Variants in GLDC observed in about 807,000 individuals in gnomAD.
GLDC encodes glycine decarboxylase.
Under a neutral mutation model 121.3 loss-of-function variants are expected in GLDC, and 104 were observed. The ratio of observed to expected loss-of-function variants is 0.86; its 90% CI spans 0.73 to 1.01. GLDC has a LOEUF of 1.01. GLDC is among the 50% of genes least tolerant of loss of function. GLDC has a pLI of 0.00. For synonymous variants in GLDC, 546 were observed against 480.6 expected, an observed-to-expected ratio of 1.14 and a Z score of -1.78; for missense variants, 1,429 against 1,306.6, an observed-to-expected ratio of 1.09 and a Z score of -1.44.
chr9:6,588,611 T>A lies in GLDC; in HGVS notation c.1665+7A>T, dbSNP rs759573888. 93 of 1,598,616 alleles carry A rather than the reference T, an allele frequency of 5.8e-5. No homozygotes were observed. Among genetic ancestry groups the A allele is most frequent in the Non-Finnish European group, 7.6e-5 (89 of 1,166,092 alleles). ...TGGAAATGAGAAAAAAGGCCACAAATAACTACCAGTGGAATCATGCTGTGA... is the reference window on the plus strand; with the variant it reads ...TGGAAATGAGAAAAAAGGCCACAAAAAACTACCAGTGGAATCATGCTGTGA... On this transcript the variant is annotated splice_region_variant and intron_variant, in intron 13 of 24. Coordinates refer to ENST00000321612, the MANE Select transcript of GLDC (RefSeq NM_000170.3).
chr9:6,622,385 G>A (rs559461461), intron 2 of GLDC, among the ~76,000 whole-genome samples: 5,101 of 144,904 alleles, frequency 0.035, 298 homozygotes, highest in African/African-American at 0.12. Flanking sequence ...GCGATTGCAG[G>A]CACGCGCCGC....
chr9:6,581,173 T>G (rs1014864531), intron 15 of GLDC, among the ~76,000 whole-genome samples: 1 of 152,182 alleles, frequency 6.6e-6, no homozygotes, highest in Non-Finnish European at 1.5e-5. Flanking sequence ...CTCCAGCTTC[T>G]CAGTCCTTCC....
At chr9:6,550,713 T>A in intron 21 of GLDC, 90 bp downstream of exon 21, 1 of 802,916 alleles carries the variant, frequency 1.2e-6, no homozygotes, top group South Asian at 1.3e-5. Flanking sequence ...AATAGAAGTC[T>A]CTTGCCCATG....
Position 6,553,388 on chromosome 9 carries a change from T to C in GLDC, c.2437A>G (p.Ile813Val), listed in dbSNP as rs751624844. 9.3e-6 allele frequency: 15 copies of C among 1,613,862 alleles called. No individual in the cohort carries two copies. The highest frequency in any genetic ancestry group is 1.3e-5 in the Non-Finnish European group (15 of 1,179,974). Residue 813 changes from isoleucine to valine, a missense_variant, in exon 20 of 25, where the codon ATT (isoleucine) becomes GTT (valine). Coordinates refer to ENST00000321612, the MANE Select transcript of GLDC (RefSeq NM_000170.3). ...APWGSSSILPISWAYIKMMGG... is the reference protein window; with the variant it reads ...APWGSSSILPVSWAYIKMMGG... Reference sequence around the variant, plus strand: ...CTCACCTTGATATAAGCCCAGGAAATGGGCAAGATGGAACTGGAGCCCCAT... The same window carrying C: ...CTCACCTTGATATAAGCCCAGGAAACGGGCAAGATGGAACTGGAGCCCCAT...
At chr9:6,555,166 C>T (rs747173731) in intron 18 of GLDC, among the ~76,000 whole-genome samples, 3 of 152,192 alleles carry the variant, frequency 2.0e-5, no homozygotes, top group Non-Finnish European at 4.4e-5. Flanking sequence ...CGCTACCTTC[C>T]CCTGCGTGGT....
intron 12 of GLDC, 70 bp downstream of exon 12, chr9:6,589,125 C>G: frequency 1.1e-6 from 1 of 939,392 alleles, no homozygotes; most frequent in Non-Finnish European, 1.8e-6. Context: ...AAATCAGCAG[C>G]AGCACTCTGC....
At chr9:6,564,196 C>T (rs1398100869) in intron 16 of GLDC, among the ~76,000 whole-genome samples, 4 of 150,546 alleles carry the variant, frequency 2.7e-5, no homozygotes, top group Non-Finnish European at 5.9e-5. Flanking sequence ...TGCAATGAGC[C>T]GAGATTGGGC....
intron 15 of GLDC, among the ~76,000 whole-genome samples, chr9:6,585,852 G>C (rs559152179): frequency 7.6e-4 from 76 of 99,414 alleles, no homozygotes; most frequent in African/African-American, 2.4e-3. Context: ...ATGTATGTAT[G>C]TATGTATGTA....
At chr9:6,622,532 G>C (rs1281686974) in intron 2 of GLDC, among the ~76,000 whole-genome samples, 7 of 152,142 alleles carry the variant, frequency 4.6e-5, no homozygotes, top group South Asian at 2.1e-4. Flanking sequence ...ACAGAGTCTC[G>C]TTCACTCAGT....
At chr9:6,566,823 T>A (rs1289667741) in intron 15 of GLDC, among the ~76,000 whole-genome samples, 3 of 152,224 alleles carry the variant, frequency 2.0e-5, no homozygotes, top group East Asian at 3.8e-4. Context: ...TAACTTTTTT[T>A]AATGTTACCC....
chr9:6,585,536 C>T (rs139820540), intron 15 of GLDC, among the ~76,000 whole-genome samples: 1 of 152,142 alleles, frequency 6.6e-6, no homozygotes, highest in African/African-American at 2.4e-5. Flanking sequence ...CTTTCATTGC[C>T]ACATACCCTC....
At chr9:6,564,380 G>C (rs1817815243) in intron 16 of GLDC, among the ~76,000 whole-genome samples, 2 of 152,208 alleles carry the variant, frequency 1.3e-5, no homozygotes, top group Non-Finnish European at 2.9e-5. Flanking sequence ...TGAAAGGGAA[G>C]TGAAACACTT....
At chr9:6,563,584 G>A (rs996547419) in intron 16 of GLDC, among the ~76,000 whole-genome samples, 4 of 152,192 alleles carry the variant, frequency 2.6e-5, no homozygotes, top group Admixed American at 2.0e-4. Flanking sequence ...CTGGACACCT[G>A]GAGCTCCAAA....
At chr9:6,559,511 G>A (rs1361014613) in intron 16 of GLDC, among the ~76,000 whole-genome samples, 2 of 71,662 alleles carry the variant, frequency 2.8e-5, no homozygotes, top group Non-Finnish European at 4.8e-5. Flanking sequence ...GTGAAACTCC[G>A]TATTTAAAAA....
intron 2 of GLDC, among the ~76,000 whole-genome samples, chr9:6,637,841 C>G (rs1819538147): frequency 6.6e-6 from 1 of 151,166 alleles, no homozygotes; most frequent in South Asian, 2.1e-4. Context: ...TTTTAGGACT[C>G]AACACATTAA....
chr9:6,549,270 C>T (rs1166417590), intron 21 of GLDC, among the ~76,000 whole-genome samples: 2 of 151,808 alleles, frequency 1.3e-5, no homozygotes, highest in African/African-American at 4.8e-5. Context: ...ACAAAGCAGG[C>T]GCAGCCTCCA....
At chr9:6,592,044 C>G in intron 11 of GLDC, 99 bp downstream of exon 11, 3 of 783,338 alleles carry the variant, frequency 3.8e-6, no homozygotes, top group Non-Finnish European at 6.9e-6. Flanking sequence ...CTACCAGTGT[C>G]ACACTTGGGC....
At chr9:6,638,307 C>T (rs745321459) in intron 2 of GLDC, among the ~76,000 whole-genome samples, 4 of 151,946 alleles carry the variant, frequency 2.6e-5, no homozygotes, top group Admixed American at 6.6e-5. Context: ...CTTCCGGGTT[C>T]AAGCGATTCT....
chr9:6,616,995 T>A (rs188368508), intron 3 of GLDC, among the ~76,000 whole-genome samples: 15 of 152,362 alleles, frequency 9.8e-5, no homozygotes, highest in Admixed American at 6.5e-4. Context: ...AAATTTGGAA[T>A]AGTGAAACCC....
Sources: gnomAD v4.1 joint callset for allele counts (sites outside exome capture counted in the v4.1 genomes callset) on GRCh38, gnomAD v4.1.1 for gene constraint, MANE v1.5 for transcripts, NCBI Gene and HGNC (gene_info 2026-07-23, HGNC 2026-07-21) for gene names.